KDM4C: variants seen among roughly 807,000 people sequenced by gnomAD.
KDM4C encodes lysine-specific demethylase 4C.
A neutral mutation model predicts 129.3 loss-of-function variants in KDM4C; 81 were observed. The observed-to-expected ratio is 0.63, with a 90% CI of 0.52 to 0.75. The LOEUF is 0.75. Among genes scored for constraint, KDM4C ranks in the 30% least tolerant of loss-of-function variants. The pLI is 0.00. For missense variants in KDM4C, 1,457 were observed against 1,304.0 expected (o/e 1.12, Z -1.81); for synonymous variants, 573 against 456.1 (o/e 1.26, Z -3.26).
intron 8 of KDM4C, among the ~76,000 whole-genome samples, chr9:6,928,157 C>G (rs949524460): frequency 1.1e-4 from 17 of 152,204 alleles, no homozygotes; most frequent in African/African-American, 3.4e-4. Context: ...CCTCATGTTA[C>G]TCAACCCCTC....
At chr9:6,995,749 G>A (rs971950439) in intron 12 of KDM4C, among the ~76,000 whole-genome samples, 12 of 152,054 alleles carry the variant, frequency 7.9e-5, no homozygotes, top group African/African-American at 2.7e-4. Context: ...TCAGCTCACT[G>A]CAAGCTCTGC....
At chr9:6,903,580 TTGTTG>T (rs1817765500) in intron 8 of KDM4C, among the ~76,000 whole-genome samples, 1 of 152,164 alleles carries the variant, frequency 6.6e-6, no homozygotes, top group Admixed American at 6.5e-5. Context: ...CAAAAGGTGA[TTGTTG>T]TAGTGCCAGT....
intron 17 of KDM4C, among the ~76,000 whole-genome samples, chr9:7,087,763 G>C (rs775971738): frequency 2.0e-5 from 3 of 152,168 alleles, no homozygotes; most frequent in African/African-American, 7.2e-5. Flanking sequence ...GTTATCAAAT[G>C]ACAATGGTAT....
intron 1 of KDM4C, among the ~76,000 whole-genome samples, chr9:6,751,385 G>A (rs1271274164): frequency 6.6e-6 from 1 of 152,132 alleles, no homozygotes; most frequent in African/African-American, 2.4e-5. Flanking sequence ...GGTGGAGGTT[G>A]CAGTGAGCCA....
chr9:7,066,851 C>T (rs1239714429), intron 17 of KDM4C, among the ~76,000 whole-genome samples: 2 of 152,150 alleles, frequency 1.3e-5, no homozygotes, highest in Non-Finnish European at 2.9e-5. Flanking sequence ...AGAAGCCATC[C>T]AGAGATAATT....
chr9:7,050,083 G>C (rs900560945), intron 17 of KDM4C, among the ~76,000 whole-genome samples: 1 of 151,892 alleles, frequency 6.6e-6, no homozygotes, highest in Non-Finnish European at 1.5e-5. Context: ...TGGCGAGCTG[G>C]GTGTGCCGTC....
chr9:7,164,350 T>TAAAAAAAAA (rs113564814), intron 19 of KDM4C, among the ~76,000 whole-genome samples: 4 of 148,338 alleles, frequency 2.7e-5, no homozygotes, highest in Admixed American at 6.6e-5. Flanking sequence ...TGCCACGCCT[T>TAAAAAAAAA]AAAAAAACAA....
At chr9:6,843,396 A>T (rs1837326147) in intron 4 of KDM4C, among the ~76,000 whole-genome samples, 1 of 152,210 alleles carries the variant, frequency 6.6e-6, no homozygotes, top group Non-Finnish European at 1.5e-5. Flanking sequence ...GTGTTTTGTA[A>T]TCCTTTCTTT....
chr9:7,074,684 A>G (rs1354215163), intron 17 of KDM4C, among the ~76,000 whole-genome samples: 4 of 152,122 alleles, frequency 2.6e-5, no homozygotes, highest in African/African-American at 7.2e-5. Flanking sequence ...CAATTTACCT[A>G]TATACTATTT....
chr9:6,835,036 C>A, intron 4 of KDM4C: 1 of 941,082 alleles, frequency 1.1e-6, no homozygotes, highest in Admixed American at 1.7e-5. Flanking sequence ...CCTTACCGAG[C>A]GTGGCTACAG....
chr9:6,817,827 C>T lies in KDM4C; in HGVS notation c.435+3082C>T, dbSNP rs578207146. Reference sequence around the variant, plus strand: ...TGTAGCCCAGGCTGGAGTGCAGTGGCGCTATCTTGGCTCACTGCAACCTGT... The same window carrying T: ...TGTAGCCCAGGCTGGAGTGCAGTGGTGCTATCTTGGCTCACTGCAACCTGT... On this transcript the variant is annotated intron_variant, in intron 4 of 21. Transcript: ENST00000381309. Among the ~76,000 whole-genome samples the T allele has an allele frequency of 4.6e-5, 6 of 131,544 alleles. No homozygotes were observed. The South Asian group carries it at 7.2e-4, about 16-fold the overall frequency. 86.3% of individuals were successfully genotyped at this position (131,544 alleles called of 152,430 possible).
At chr9:6,854,231 T>C (rs1008124591) in intron 5 of KDM4C, among the ~76,000 whole-genome samples, 2 of 151,844 alleles carry the variant, frequency 1.3e-5, no homozygotes, top group Admixed American at 6.6e-5. Flanking sequence ...ACAAACAAAA[T>C]GAATAAGAAA....
intron 17 of KDM4C, among the ~76,000 whole-genome samples, chr9:7,082,602 C>T (rs1258210164): frequency 1.3e-5 from 2 of 152,096 alleles, no homozygotes; most frequent in Admixed American, 6.5e-5. Flanking sequence ...CAGTCCTTTT[C>T]CTGTGAGAGT....
chr9:7,147,685 C>T (rs949250514), intron 19 of KDM4C, among the ~76,000 whole-genome samples: 9 of 152,120 alleles, frequency 5.9e-5, no homozygotes, highest in African/African-American at 1.4e-4. Flanking sequence ...TCATCAGGGC[C>T]GATGTTGGCT....
chr9:6,765,940 C>T (rs1820541963), intron 1 of KDM4C, among the ~76,000 whole-genome samples: 1 of 152,016 alleles, frequency 6.6e-6, no homozygotes, highest in Admixed American at 6.6e-5. Context: ...AGGTGTGTGC[C>T]ACCGCACCAG....
At chr9:6,834,516 T>A (rs1835500441) in intron 4 of KDM4C, 1 of 655,476 alleles carries the variant, frequency 1.5e-6, no homozygotes, top group African/African-American at 1.8e-5. Context: ...GAAGGCTGGC[T>A]TCGCAGGTGA....
intron 4 of KDM4C, chr9:6,835,255 A>C: frequency 1.1e-6 from 1 of 906,504 alleles, no homozygotes; most frequent in East Asian, 2.4e-5. Context: ...CTTCCTGGGC[A>C]TGGAATCCTG....
At position 7,007,829 on chromosome 9, in the gene KDM4C, AAAC is replaced by A. The variant is rs1369900786; in HGVS notation, c.1787-3864_1787-3862del. On this transcript the variant is annotated intron_variant, in intron 12 of 21. Transcript: ENST00000381309. ...TTAATTCATTTAAAAATAGCAATAA[AAAC>A]AACATTTACATAAAGTTACATTTAT... Among the ~76,000 whole-genome samples, 11 of 152,370 alleles carry A rather than the reference AAAC, an allele frequency of 7.2e-5. No homozygotes were observed. In the South Asian group the frequency reaches 2.1e-3, roughly 29 times the overall value.
At chr9:6,975,024 CCTT>C (rs1832698999) in intron 8 of KDM4C, 2 of 152,194 alleles carry the variant, frequency 1.3e-5, no homozygotes, top group Non-Finnish European at 2.9e-5. Flanking sequence ...AATCCATTCC[CCTT>C]CTTTTTGCAT....
Sources: allele counts gnomAD v4.1 joint callset (sites outside exome capture counted in the v4.1 genomes callset), GRCh38; gene constraint gnomAD v4.1.1; transcripts MANE v1.5; gene names NCBI Gene and HGNC (gene_info 2026-07-23, HGNC 2026-07-21).